Variants in ZNF185 observed in about 807,000 individuals in gnomAD.
ZNF185 encodes the protein zinc finger protein 185.
ZNF185 carries 56 observed loss-of-function variants against 58.6 expected under a neutral mutation model. The ratio of observed to expected loss-of-function variants is 0.95; its 90% confidence interval spans 0.77 to 1.19. The LOEUF is 1.19. ZNF185 is among the 50% of genes most tolerant of loss of function. The pLI is 0.00. For synonymous variants in ZNF185, 230 were observed against 215.9 expected (o/e 1.07, Z -0.57); for missense variants, 627 against 573.5 (o/e 1.09, Z -0.95).
At chrX:152,967,534 G>C (rs2050238750) in intron 20 of ZNF185, among the ~76,000 whole-genome samples, 1 of 112,027 alleles carries the variant, frequency 8.9e-6, no homozygotes, top group Non-Finnish European at 1.9e-5. Context: ...GGGCCCTTCA[G>C]ATTAGAACCT....
the ZNF185 span, among the ~76,000 whole-genome samples, chrX:152,903,490 T>A: frequency 2.8e-5 from 3 of 106,385 alleles, no homozygotes; most frequent in Non-Finnish European, 5.8e-5. Flanking sequence ...GTGGGCTCCA[T>A]GACCTCTGAG....
chrX:152,905,698 G>A, the ZNF185 span, among the ~76,000 whole-genome samples: 3 of 103,118 alleles, frequency 2.9e-5, no homozygotes, highest in African/African-American at 1.1e-4. Context: ...AGCAAATGAA[G>A]CTGTCAGACA....
intron 15 of ZNF185, among the ~76,000 whole-genome samples, chrX:152,942,842 C>A (rs140755008): frequency 9.0e-6 from 1 of 111,294 alleles, no homozygotes; most frequent in African/African-American, 3.3e-5. Flanking sequence ...GTGGCTCATA[C>A]CCACCTGTAA....
intron 11 of ZNF185, among the ~76,000 whole-genome samples, chrX:152,928,088 G>A (rs1437931253): frequency 9.0e-6 from 1 of 111,136 alleles, no homozygotes; most frequent in Non-Finnish European, 1.9e-5. Flanking sequence ...CAAGAGGAAA[G>A]CTCAAAGGGG....
intron 20 of ZNF185, among the ~76,000 whole-genome samples, chrX:152,967,991 G>T (rs145438645): frequency 8.9e-6 from 1 of 112,145 alleles, no homozygotes; most frequent in Non-Finnish European, 1.9e-5. Flanking sequence ...GCTTCTCATT[G>T]ATGGGCAGAT....
intron 21 of ZNF185, 89 bp from the exon 24 acceptor site, chrX:152,970,354 G>C (rs1222469054): frequency 1.7e-5 from 14 of 837,551 alleles, no homozygotes; most frequent in Admixed American, 2.4e-5. Flanking sequence ...GCATCTGCTC[G>C]CCCACCTTGT....
At chrX:152,914,468 G>A (rs6526141) in exon 1 of ZNF185, 324,516 of 1,160,948 alleles carry the variant, frequency 0.28, 33,857 homozygotes, top group African/African-American at 0.34. Flanking sequence ...TCAAGTGAGA[G>A]GAGAGCTGCG....
chrX:152,921,146 C>T (rs782236223), intron 9 of ZNF185, among the ~76,000 whole-genome samples: 1 of 111,949 alleles, frequency 8.9e-6, no homozygotes, highest in Admixed American at 9.4e-5. Context: ...TGGAGATGGG[C>T]CCTAAAGGGT....
At chrX:152,931,601 G>T in intron 12 of ZNF185, 71 bp from the exon 14 acceptor site, 1 of 939,389 alleles carries the variant, frequency 1.1e-6, no homozygotes, top group Non-Finnish European at 1.5e-6. Flanking sequence ...GGCGTTTGAG[G>T]ATGAGGTAAC....
chrX:152,969,446 G>A, exon 21 of ZNF185: 1 of 1,208,022 alleles, frequency 8.3e-7, no homozygotes, highest in Non-Finnish European at 1.1e-6. Flanking sequence ...GATTACCCTA[G>A]AACATCTTGG....
chrX:152,898,108 A>ACCGCTCCCCGCGCC, the ZNF185 span, among the ~76,000 whole-genome samples: 1 of 104,075 alleles, frequency 9.6e-6, no homozygotes, highest in Non-Finnish European at 2.0e-5. Flanking sequence ...CCCGCTGTGC[A>ACCGCTCCCCGCGCC]CCGCGCCCCG....
chrX:152,909,612 C>T (rs899452105), upstream of ZNF185, among the ~76,000 whole-genome samples: 1 of 112,691 alleles, frequency 8.9e-6, no homozygotes, highest in Non-Finnish European at 1.9e-5. Context: ...CTGCCACTGC[C>T]GCTGCAGCAA....
intron 11 of ZNF185, among the ~76,000 whole-genome samples, chrX:152,927,318 C>G (rs1420809831): frequency 1.8e-5 from 2 of 111,736 alleles, no homozygotes; most frequent in African/African-American, 6.5e-5. Context: ...GAGGCCTTGT[C>G]CTTGGTAGCC....
intron 21 of ZNF185, 104 bp downstream of exon 23, chrX:152,969,588 T>C: frequency 1.7e-6 from 1 of 600,160 alleles, no homozygotes; most frequent in Non-Finnish European, 2.7e-6. Flanking sequence ...TCAGAGACTG[T>C]GGAGGAGGCT....
intron 16 of ZNF185, among the ~76,000 whole-genome samples, chrX:152,947,825 C>T (rs988766478): frequency 3.6e-5 from 4 of 111,886 alleles, no homozygotes; most frequent in African/African-American, 6.5e-5. Context: ...GGTGAGTCCA[C>T]GTGGTTCAGG....
Position 152,916,496 on chromosome X carries a change from G to A in ZNF185, c.225-635G>A, listed in dbSNP as rs782710693. Among the ~76,000 whole-genome samples, 95 of 112,101 alleles carry A rather than the reference G, an allele frequency of 8.5e-4. 2 individuals are homozygous for A. Among genetic ancestry groups the A allele is most frequent in the African/African-American group, 2.9e-3 (89 of 30,863 alleles). On this transcript the variant is annotated intron_variant, in intron 3 of 22. Transcript: ENST00000449285. ...AGGTCCCAAGCACCCAGAGCCTAAT[G>A]TTTCCCAGCCGCTGAACAAGGCCTG...
At chrX:152,969,563 G>C in intron 21 of ZNF185, 79 bp downstream of exon 23, 1 of 785,240 alleles carries the variant, frequency 1.3e-6, no homozygotes, top group Non-Finnish European at 1.9e-6. Flanking sequence ...TGTAGAGTGC[G>C]GGAGTCTTAC....
chrX:152,906,392 C>A, the ZNF185 span, among the ~76,000 whole-genome samples: 1 of 113,299 alleles, frequency 8.8e-6, no homozygotes, highest in Non-Finnish European at 1.9e-5. Flanking sequence ...AGCTCCTTGT[C>A]CCAGAGCCAC....
intron 8 of ZNF185, 118 bp from the exon 10 acceptor site, chrX:152,920,589 C>T (rs1332563014): frequency 9.7e-7 from 1 of 1,036,050 alleles, no homozygotes; most frequent in Non-Finnish European, 1.3e-6. Context: ...GCGGCTACCA[C>T]CAGGGACAGT....
Sources: gnomAD v4.1 joint callset for allele counts (sites outside exome capture counted in the v4.1 genomes callset) on GRCh38, gnomAD v4.1.1 for gene constraint, MANE v1.5 for transcripts, NCBI Gene and HGNC (gene_info 2026-07-23, HGNC 2026-07-21) for gene names.